HS3ST4: variants seen among roughly 807,000 people sequenced by gnomAD.
HS3ST4 encodes heparan sulfate glucosamine 3-O-sulfotransferase 4.
Under a neutral mutation model 29.2 loss-of-function variants are expected in HS3ST4, and 17 were observed. That is an observed-to-expected ratio of 0.58 (90% CI 0.40 to 0.87). The LOEUF is 0.87. Among genes scored for constraint, HS3ST4 ranks in the 40% least tolerant of loss-of-function variants. The probability of loss-of-function intolerance (pLI) is 0.00; values close to 1 mark genes in which losing one functional copy is unlikely to be tolerated. For synonymous variants in HS3ST4, 314 were observed against 285.7 expected (o/e 1.10, Z -1.00); for missense variants, 627 against 634.5 (o/e 0.99, Z 0.13).
chr16:25,886,032 T>TTG (rs1174396947), intron 1 of HS3ST4, among the ~76,000 whole-genome samples: 23 of 135,206 alleles, frequency 1.7e-4, no homozygotes, highest in Non-Finnish European at 3.2e-4. Context: ...CTGTGGTTTT[T>TTG]TTTTTTTTTT....
chr16:25,968,947 G>A (rs1477378510), intron 1 of HS3ST4, among the ~76,000 whole-genome samples: 1 of 152,134 alleles, frequency 6.6e-6, no homozygotes, highest in Non-Finnish European at 1.5e-5. Context: ...AACCTCCCGA[G>A]TAGCTGGGAT....
chr16:25,717,315 TTAAAG>T (rs1350441067), intron 1 of HS3ST4, among the ~76,000 whole-genome samples: 2 of 152,078 alleles, frequency 1.3e-5, no homozygotes, highest in East Asian at 1.9e-4. Flanking sequence ...ATGTAATCAA[TTAAAG>T]TAAATAAGGT....
At chr16:25,935,417 A>G (rs548710907) in intron 1 of HS3ST4, among the ~76,000 whole-genome samples, 143 of 152,308 alleles carry the variant, frequency 9.4e-4, no homozygotes, top group African/African-American at 3.1e-3. Flanking sequence ...GTCCATCATT[A>G]TAGCATCACA....
At chr16:25,984,913 G>A (rs576321121) in intron 1 of HS3ST4, among the ~76,000 whole-genome samples, 1 of 152,328 alleles carries the variant, frequency 6.6e-6, no homozygotes, top group South Asian at 2.1e-4. Context: ...AAGATGGCAA[G>A]GTGTGGCAGG....
chr16:25,932,083 A>G (rs1312027820), intron 1 of HS3ST4, among the ~76,000 whole-genome samples: 2 of 152,180 alleles, frequency 1.3e-5, no homozygotes, highest in Non-Finnish European at 2.9e-5. Context: ...GAGAGGCCAA[A>G]GCCAAAGATC....
chr16:25,998,999 A>T (rs1260676414), intron 1 of HS3ST4, among the ~76,000 whole-genome samples: 2 of 152,134 alleles, frequency 1.3e-5, no homozygotes, highest in Non-Finnish European at 2.9e-5. Flanking sequence ...TGTTTTTTTA[A>T]GTTTTAAAAT....
At chr16:26,012,929 C>A (rs1969324150) in intron 1 of HS3ST4, among the ~76,000 whole-genome samples, 1 of 152,072 alleles carries the variant, frequency 6.6e-6, no homozygotes, top group Non-Finnish European at 1.5e-5. Context: ...CTTTGGGAGG[C>A]CGAGGCGGGC....
chr16:25,826,131 G>A (rs894737121), intron 1 of HS3ST4: 1 of 152,194 alleles, frequency 6.6e-6, no homozygotes. Context: ...CCTAGAACTT[G>A]CTCATTATGG....
At chr16:26,088,774 G>A (rs138750303) in intron 1 of HS3ST4, among the ~76,000 whole-genome samples, 196 of 152,292 alleles carry the variant, frequency 1.3e-3, no homozygotes, top group African/African-American at 4.4e-3. Context: ...TACCAAGTAT[G>A]CTGCATCTCC....
chr16:25,887,362 A>G (rs905499247), intron 1 of HS3ST4, among the ~76,000 whole-genome samples: 1 of 152,154 alleles, frequency 6.6e-6, no homozygotes, highest in Non-Finnish European at 1.5e-5. Context: ...GTGGGTGTCT[A>G]AAGCTTTATC....
intron 1 of HS3ST4, among the ~76,000 whole-genome samples, chr16:25,964,919 C>T (rs892782019): frequency 6.6e-6 from 1 of 151,926 alleles, no homozygotes; most frequent in African/African-American, 2.4e-5. Context: ...GTTACTTAGC[C>T]GTTTATTCAT....
intron 1 of HS3ST4, among the ~76,000 whole-genome samples, chr16:26,016,666 GTCT>G (rs1258635911): frequency 6.6e-6 from 1 of 152,130 alleles, no homozygotes; most frequent in Non-Finnish European, 1.5e-5. Flanking sequence ...GATATAGCAA[GTCT>G]TCTTTATGGA....
chr16:26,049,470 C>CTG (rs113562359), intron 1 of HS3ST4, among the ~76,000 whole-genome samples: 25,915 of 144,968 alleles, frequency 0.18, 2,538 homozygotes, highest in African/African-American at 0.23. Context: ...ATGCGTGCCT[C>CTG]TGTGTGTGTG....
At chr16:25,884,259 A>G (rs1398244700) in intron 1 of HS3ST4, among the ~76,000 whole-genome samples, 1 of 152,308 alleles carries the variant, frequency 6.6e-6, no homozygotes. Flanking sequence ...TGGCATGGCT[A>G]TTGTACATGC....
intron 1 of HS3ST4, among the ~76,000 whole-genome samples, chr16:25,895,995 T>C (rs1350021250): frequency 6.6e-6 from 1 of 152,124 alleles, no homozygotes; most frequent in African/African-American, 2.4e-5. Context: ...TCCACGGCCC[T>C]GGTGAGAGAC....
At chr16:25,711,346 G>A (rs150537700) in intron 1 of HS3ST4, among the ~76,000 whole-genome samples, 1 of 151,988 alleles carries the variant, frequency 6.6e-6, no homozygotes, top group East Asian at 1.9e-4. Context: ...GAGTTGCCCT[G>A]GGCTGTGTAT....
chr16:25,790,931 G>T (rs1389434231), intron 1 of HS3ST4, among the ~76,000 whole-genome samples: 4 of 151,938 alleles, frequency 2.6e-5, no homozygotes, highest in South Asian at 2.1e-4. Flanking sequence ...TTTCTTTATA[G>T]TAAGAGATTT....
intron 1 of HS3ST4, among the ~76,000 whole-genome samples, chr16:26,000,804 A>G (rs1430402230): frequency 6.6e-6 from 1 of 152,200 alleles, no homozygotes; most frequent in Non-Finnish European, 1.5e-5. Context: ...TCTTACTCTG[A>G]GAAGGACAGG....
chr16:26,081,567 T>C (rs1898724066), intron 1 of HS3ST4, among the ~76,000 whole-genome samples: 1 of 152,118 alleles, frequency 6.6e-6, no homozygotes, highest in Admixed American at 6.5e-5. Flanking sequence ...TATAATGTCT[T>C]AGAAGATTCA....
Sources: gnomAD v4.1 joint callset for allele counts (sites outside exome capture counted in the v4.1 genomes callset) on GRCh38, gnomAD v4.1.1 for gene constraint, MANE v1.5 for transcripts, NCBI Gene and HGNC (gene_info 2026-07-23, HGNC 2026-07-21) for gene names.